Variants in ANKRD55 observed in about 807,000 individuals in gnomAD.
ANKRD55 encodes the protein ankyrin repeat domain-containing protein 55.
Under a neutral mutation model 60.6 loss-of-function variants are expected in ANKRD55, and 41 were observed. That is an observed-to-expected ratio of 0.68 (90% confidence interval 0.53 to 0.88). The LOEUF is 0.88. Among genes scored for constraint, ANKRD55 ranks in the 40% least tolerant of loss-of-function variants. The probability of loss-of-function intolerance (pLI) is 0.00; values close to 1 mark genes in which losing one functional copy is unlikely to be tolerated. For missense variants in ANKRD55, 732 were observed against 767.6 expected, an observed-to-expected ratio of 0.95 and a Z score of 0.55; for synonymous variants, 264 against 290.3, an observed-to-expected ratio of 0.91 and a Z score of 0.92.
chr5:56,118,121 C>A (rs537062225), intron 8 of ANKRD55, among the ~76,000 whole-genome samples: 1 of 151,728 alleles, frequency 6.6e-6, no homozygotes, highest in Non-Finnish European at 1.5e-5. Flanking sequence ...CCATCATGGG[C>A]GACAGAGCAA....
intron 2 of ANKRD55, among the ~76,000 whole-genome samples, chr5:56,184,759 A>G (rs559293480): frequency 1.4e-4 from 21 of 151,960 alleles, no homozygotes; most frequent in Non-Finnish European, 2.6e-4. Flanking sequence ...TTAGCTGGGC[A>G]TTGTGGTGGG....
At chr5:56,225,364 CA>C (rs1760083620) in intron 2 of ANKRD55, among the ~76,000 whole-genome samples, 1 of 152,126 alleles carries the variant, frequency 6.6e-6, no homozygotes, top group Non-Finnish European at 1.5e-5. Flanking sequence ...ATGATAAACC[CA>C]CAGCCAATAT....
intron 8 of ANKRD55, among the ~76,000 whole-genome samples, chr5:56,125,427 T>C (rs1757217237): frequency 6.6e-6 from 1 of 151,868 alleles, no homozygotes; most frequent in Non-Finnish European, 1.5e-5. Flanking sequence ...ATTATAGGTG[T>C]CCGCCACCAC....
chr5:56,204,503 T>C (rs1031388759), intron 2 of ANKRD55, among the ~76,000 whole-genome samples: 1 of 152,164 alleles, frequency 6.6e-6, no homozygotes, highest in Non-Finnish European at 1.5e-5. Context: ...AATTTTTGTA[T>C]AAGGTGTAAG....
chr5:56,106,978 C>T (rs1756500850), intron 10 of ANKRD55, among the ~76,000 whole-genome samples: 1 of 148,232 alleles, frequency 6.7e-6, no homozygotes, highest in African/African-American at 2.5e-5. Flanking sequence ...AGCCACAGTA[C>T]TCCAGCCTGG....
intron 6 of ANKRD55, among the ~76,000 whole-genome samples, chr5:56,159,011 T>C (rs1758259745): frequency 6.6e-6 from 1 of 152,098 alleles, no homozygotes; most frequent in Admixed American, 6.5e-5. Flanking sequence ...TTTTCCTTTT[T>C]CTTTCTTTTT....
At chr5:56,131,688 C>T (rs1195977007) in intron 7 of ANKRD55, among the ~76,000 whole-genome samples, 5 of 146,508 alleles carry the variant, frequency 3.4e-5, no homozygotes, top group Admixed American at 7.0e-5. Flanking sequence ...CCCAGCTACT[C>T]GGAAGGCTGA....
At chr5:56,207,703 T>C (rs945814590) in intron 2 of ANKRD55, among the ~76,000 whole-genome samples, 1 of 152,214 alleles carries the variant, frequency 6.6e-6, no homozygotes, top group Non-Finnish European at 1.5e-5. Context: ...GCTACACTAG[T>C]GTAGGGCACA....
At chr5:56,142,346 A>T (rs547815727) in intron 7 of ANKRD55, among the ~76,000 whole-genome samples, 3 of 152,214 alleles carry the variant, frequency 2.0e-5, no homozygotes, top group Admixed American at 6.5e-5. Context: ...AAAACAAAAC[A>T]AAACTAAACA....
intron 3 of ANKRD55, among the ~76,000 whole-genome samples, chr5:56,180,087 C>T (rs1758822030): frequency 6.6e-6 from 1 of 152,144 alleles, no homozygotes; most frequent in Non-Finnish European, 1.5e-5. Flanking sequence ...TGGGAACTCT[C>T]TGCAGAGTCC....
chr5:56,202,406 C>T (rs145421006), intron 2 of ANKRD55, among the ~76,000 whole-genome samples: 19 of 152,030 alleles, frequency 1.2e-4, no homozygotes, highest in Non-Finnish European at 2.2e-4. Context: ...TGCTCTTAAA[C>T]GAGACCCTTT....
At chr5:56,199,854 A>G (rs560896900) in intron 2 of ANKRD55, among the ~76,000 whole-genome samples, 20 of 149,126 alleles carry the variant, frequency 1.3e-4, no homozygotes, top group Non-Finnish European at 2.1e-4. Context: ...TCGCACCACT[A>G]CACTCCAGCC....
intron 9 of ANKRD55, chr5:56,114,205 G>A (rs1337192855): frequency 2.4e-5 from 4 of 167,572 alleles, no homozygotes; most frequent in East Asian, 1.8e-4. Context: ...GCACATGCCT[G>A]TAATCCCAGC....
chr5:56,167,554 C>A (rs1316613180), intron 5 of ANKRD55, among the ~76,000 whole-genome samples: 1 of 152,172 alleles, frequency 6.6e-6, no homozygotes, highest in Admixed American at 6.5e-5. Flanking sequence ...TTGGAATAGT[C>A]AATCTTAACT....
chr5:56,226,084 C>A (rs1232223717), intron 2 of ANKRD55, among the ~76,000 whole-genome samples: 1 of 152,218 alleles, frequency 6.6e-6, no homozygotes, highest in African/African-American at 2.4e-5. Flanking sequence ...TCAATCTATA[C>A]TACAAGGCTA....
chr5:56,199,856 A>T lies in ANKRD55; in HGVS notation c.59-16222T>A, dbSNP rs531565897. Among the ~76,000 whole-genome samples the T allele has an allele frequency of 7.3e-3, 1,069 of 146,928 alleles. 13 individuals are homozygous for T. Among genetic ancestry groups the T allele is most frequent in the African/African-American group, 0.026 (1,022 of 39,054 alleles). ...CAGTGAGCCGAGATCGCACCACTACACTCCAGCCTGGGTGACAGAGTGAGA... is the reference window on the plus strand; with the variant it reads ...CAGTGAGCCGAGATCGCACCACTACTCTCCAGCCTGGGTGACAGAGTGAGA... On this transcript the variant is annotated intron_variant, in intron 2 of 11. Transcript: ENST00000341048.
chr5:56,150,726 CGCCTCTACTAAA>C (rs1429533853), intron 6 of ANKRD55, among the ~76,000 whole-genome samples: 6 of 151,986 alleles, frequency 3.9e-5, no homozygotes, highest in Non-Finnish European at 8.8e-5. Flanking sequence ...GGTGAAATCC[CGCCTCTACTAAA>C]AAATACAAAA....
chr5:56,130,071 C>G (rs1258574604), intron 7 of ANKRD55, among the ~76,000 whole-genome samples: 1 of 152,126 alleles, frequency 6.6e-6, no homozygotes, highest in Non-Finnish European at 1.5e-5. Context: ...ATGGTTAGCC[C>G]CTTTGGACCA....
intron 10 of ANKRD55, among the ~76,000 whole-genome samples, chr5:56,106,874 G>T (rs556004666): frequency 5.3e-5 from 8 of 152,034 alleles, no homozygotes; most frequent in African/African-American, 1.9e-4. Context: ...ATTAGCCAGA[G>T]GAGGAGATGT....
Sources: gnomAD v4.1 joint callset for allele counts (sites outside exome capture counted in the v4.1 genomes callset) on GRCh38, gnomAD v4.1.1 for gene constraint, MANE v1.5 for transcripts, NCBI Gene and HGNC (gene_info 2026-07-23, HGNC 2026-07-21) for gene names.